MTMR12: variants seen among roughly 807,000 people sequenced by gnomAD.
The protein encoded by MTMR12 is myotubularin related protein 12.
A neutral mutation model predicts 96.7 loss-of-function variants in MTMR12; 33 were observed. The ratio of observed to expected loss-of-function variants is 0.34; its 90% CI spans 0.26 to 0.46. MTMR12 has a LOEUF of 0.46. Ranked by LOEUF, MTMR12 falls within the 20% of genes least tolerant of loss-of-function variation. The pLI is 1.00. For synonymous variants in MTMR12, 298 were observed against 327.2 expected, an observed-to-expected ratio of 0.91 and a Z score of 0.96; for missense variants, 721 against 896.1, an observed-to-expected ratio of 0.80 and a Z score of 2.49.
chr5:32,243,496 T>C, intron 11 of MTMR12, 25 bp downstream of exon 11: 1 of 1,547,186 alleles, frequency 6.5e-7, no homozygotes. Flanking sequence ...ACAAAATTCA[T>C]GAGTAAAACA....
intron 6 of MTMR12, among the ~76,000 whole-genome samples, chr5:32,264,686 C>T (rs999049358): frequency 2.0e-5 from 3 of 152,058 alleles, no homozygotes; most frequent in Non-Finnish European, 4.4e-5. Context: ...GTCTTGAACT[C>T]CTGACCTCAT....
chr5:32,241,469 G>T (rs1748473300), intron 12 of MTMR12, among the ~76,000 whole-genome samples: 1 of 152,126 alleles, frequency 6.6e-6, no homozygotes, highest in African/African-American at 2.4e-5. Flanking sequence ...TATAGTGTGG[G>T]GCTAAACGAA....
At chr5:32,286,152 A>G (rs1750532013) in intron 1 of MTMR12, among the ~76,000 whole-genome samples, 1 of 152,204 alleles carries the variant, frequency 6.6e-6, no homozygotes, top group Non-Finnish European at 1.5e-5. Context: ...AAGCTTGGGC[A>G]ACATGACGAA....
At position 32,242,093 on chromosome 5, in the gene MTMR12, A is replaced by C; in HGVS notation, c.1135T>G (p.Cys379Gly). The C allele has an allele frequency of 6.2e-7, 1 of 1,613,118 alleles. No individual in the cohort carries two copies. The highest frequency in any genetic ancestry group is 8.5e-7 in the Non-Finnish European group (1 of 1,179,352). The change falls in exon 12 of 16, where the codon TGT (cysteine) becomes GGT (glycine). Residue 379 changes from cysteine to glycine, a missense_variant. Physicochemically the swap from Cys to Gly is radical, Grantham distance 159. Transcript: ENST00000382142. ...CLKKAIEITE[C>G]MEAQNMNVLL... Reference sequence around the variant, plus strand: ...ACATTCATGTTTTGTGCTTCCATACATTCTGTAATCTCTATTGCTTTTTTC... The same window carrying C: ...ACATTCATGTTTTGTGCTTCCATACCTTCTGTAATCTCTATTGCTTTTTTC...
chr5:32,288,529 C>T (rs907426246), intron 1 of MTMR12, among the ~76,000 whole-genome samples: 10 of 152,032 alleles, frequency 6.6e-5, no homozygotes, highest in South Asian at 2.1e-4. Context: ...TGATGAGGTG[C>T]GCTACACTTG....
intron 7 of MTMR12, among the ~76,000 whole-genome samples, chr5:32,256,139 G>C (rs1450036961): frequency 6.6e-6 from 1 of 152,126 alleles, no homozygotes; most frequent in Non-Finnish European, 1.5e-5. Flanking sequence ...AAGCACCTGT[G>C]TTGTTTTCAG....
intron 1 of MTMR12, among the ~76,000 whole-genome samples, chr5:32,281,248 TAAAA>T (rs72123716): frequency 9.3e-6 from 1 of 107,462 alleles, no homozygotes; most frequent in African/African-American, 3.5e-5. Context: ...ACTCTATCAT[TAAAA>T]AAAAAAAAAA....
rs937330266 is a variant in MTMR12 at position 32,227,042 on chromosome 5, A to G, written c.*2736T>C. 5.2e-5 allele frequency: 8 copies of G among 152,678 alleles called. No individual in the cohort carries two copies. The highest frequency in any genetic ancestry group is 8.8e-5 in the Non-Finnish European group (6 of 68,042). 9.5% of individuals were successfully genotyped at this position (152,678 alleles called of 1,614,324 possible). On this transcript the variant is annotated 3_prime_UTR_variant, in exon 16 of 16. Coordinates refer to ENST00000382142, the MANE Select transcript of MTMR12 (RefSeq NM_001040446.3). ...ATTGTGCTTTAATTTCTGCAATCAGATATGATGCAGTGAGATACAAGTATA... is the reference window on the plus strand; with the variant it reads ...ATTGTGCTTTAATTTCTGCAATCAGGTATGATGCAGTGAGATACAAGTATA...
chr5:32,309,298 G>C (rs1366944423), intron 1 of MTMR12, among the ~76,000 whole-genome samples: 2 of 151,994 alleles, frequency 1.3e-5, no homozygotes, highest in Non-Finnish European at 2.9e-5. Flanking sequence ...CTTCAACCAG[G>C]GTTCTATCAA....
intron 2 of MTMR12, among the ~76,000 whole-genome samples, chr5:32,274,442 T>TA (rs1204125410): frequency 1.3e-5 from 2 of 152,254 alleles, no homozygotes; most frequent in East Asian, 1.9e-4. Context: ...GCAGAAATCT[T>TA]AGTGTTTTCA....
chr5:32,282,941 TTTGC>T (rs1031265246), intron 1 of MTMR12, among the ~76,000 whole-genome samples: 24 of 152,348 alleles, frequency 1.6e-4, no homozygotes, highest in African/African-American at 5.8e-4. Flanking sequence ...TTTACCATTC[TTTGC>T]TTGTTGATCA....
At chr5:32,240,725 C>T (rs62361330) in intron 12 of MTMR12, among the ~76,000 whole-genome samples, 39,398 of 151,966 alleles carry the variant, frequency 0.26, 5,421 homozygotes, top group Middle Eastern at 0.42. Context: ...CTCAGCCTCC[C>T]GAGTAGCCAG....
intron 13 of MTMR12, among the ~76,000 whole-genome samples, chr5:32,236,952 A>C (rs1748260198): frequency 6.6e-6 from 1 of 152,204 alleles, no homozygotes. Context: ...CTTTCAAATT[A>C]GTTTCTTCAA....
At chr5:32,282,338 G>A (rs964646041) in intron 1 of MTMR12, among the ~76,000 whole-genome samples, 10 of 151,800 alleles carry the variant, frequency 6.6e-5, no homozygotes, top group African/African-American at 2.2e-4. Flanking sequence ...GGAGAATGGC[G>A]TGAGCCCGGG....
chr5:32,255,932 G>A (rs78264650), intron 7 of MTMR12, 164 bp from the exon 8 acceptor site: 16,241 of 562,278 alleles, frequency 0.029, 475 homozygotes, highest in African/African-American at 0.11. Context: ...TCGGTGTGGC[G>A]TGAAGTACTC....
chr5:32,270,693 C>T (rs888156424), intron 5 of MTMR12, 124 bp downstream of exon 5: 7 of 1,089,076 alleles, frequency 6.4e-6, no homozygotes, highest in African/African-American at 6.4e-5. Flanking sequence ...TATGGGATTA[C>T]AACCAATTTC....
chr5:32,228,517 ATATATATCATATATATGATAT>A lies in MTMR12; in HGVS notation c.*1240_*1260del, dbSNP rs1747819657. On this transcript the variant is annotated 3_prime_UTR_variant, in exon 16 of 16. Transcript: ENST00000382142. Reference sequence around the variant, plus strand: ...AGTATACTTTCCTGCATTAAAAAAAATATATATCATATATATGATATATATATCATATATATGTGATATATA... The same window carrying A: ...AGTATACTTTCCTGCATTAAAAAAAAATATATCATATATATGTGATATATA... 1 of 142,948 alleles carries A rather than the reference ATATATATCATATATATGATAT, an allele frequency of 7.0e-6. No individual in the cohort carries two copies. Among genetic ancestry groups the A allele is most frequent in the African/African-American group, 2.6e-5 (1 of 37,834 alleles). The allele number at this position is 142,948 out of a possible 1,614,324, so 8.9% of individuals were successfully genotyped here. A position where few individuals can be genotyped will look rare whatever the true frequency, so the allele number is the denominator to read the frequency against.
At chr5:32,258,664 G>A (rs1749233490) in intron 7 of MTMR12, among the ~76,000 whole-genome samples, 1 of 152,124 alleles carries the variant, frequency 6.6e-6, no homozygotes, top group Non-Finnish European at 1.5e-5. Flanking sequence ...CACATTAAAT[G>A]GAGACGCACT....
At chr5:32,299,085 A>G (rs1370126178) in intron 1 of MTMR12, among the ~76,000 whole-genome samples, 3 of 151,796 alleles carry the variant, frequency 2.0e-5, no homozygotes, top group South Asian at 4.2e-4. Context: ...ATACACACAC[A>G]CGCACACACA....
Sources: allele counts gnomAD v4.1 joint callset (sites outside exome capture counted in the v4.1 genomes callset), GRCh38; gene constraint gnomAD v4.1.1; transcripts MANE v1.5; gene names NCBI Gene and HGNC (gene_info 2026-07-23, HGNC 2026-07-21).